Variants in HDAC4 observed in about 807,000 individuals in gnomAD.
HDAC4 encodes the protein histone deacetylase 4, also known as histone deacetylase A.
HDAC4 carries 16 observed loss-of-function variants against 135.1 expected under a neutral mutation model. The observed-to-expected ratio is 0.12, with a 90% CI of 0.08 to 0.18. The LOEUF (loss-of-function observed/expected upper bound fraction) is 0.18, where lower values mean the gene tolerates loss of function less well. Among genes scored for constraint, HDAC4 ranks in the 10% least tolerant of loss-of-function variants. The probability of loss-of-function intolerance (pLI) is 1.00; values close to 1 mark genes in which losing one functional copy is unlikely to be tolerated. For synonymous variants in HDAC4, 685 were observed against 653.4 expected (o/e 1.05, Z -0.74); for missense variants, 1,143 against 1,511.8 (o/e 0.76, Z 4.05).
chr2:239,256,503 G>A (rs138517224), intron 2 of HDAC4, among the ~76,000 whole-genome samples: 1 of 152,358 alleles, frequency 6.6e-6, no homozygotes, highest in African/African-American at 2.4e-5. Context: ...CCTCCCAGAA[G>A]GCCAGGACTT....
chr2:239,146,774 C>A lies in HDAC4; in HGVS notation c.734-2060G>T. 6.7e-6 allele frequency among the ~76,000 whole-genome samples: 1 copy of A among 149,222 alleles called. No homozygotes were observed. The highest frequency in any genetic ancestry group is 2.6e-5 in the African/African-American group (1 of 39,120). On this transcript the variant is annotated intron_variant, in intron 7 of 26. Coordinates refer to ENST00000543185, the MANE Select transcript of HDAC4 (RefSeq NM_001378414.1). The surrounding 1 kb of genome is among the most constrained non-coding windows in gnomAD (Gnocchi z 4.5). ...CACGCCCCTCCCAAGGCTGCCCTGA[C>A]CCCCCACAGCCCCACTGCCCCCATC...
At chr2:239,350,048 A>G (rs1484355550) in intron 2 of HDAC4, among the ~76,000 whole-genome samples, 1 of 152,054 alleles carries the variant, frequency 6.6e-6, no homozygotes, top group Non-Finnish European at 1.5e-5. Flanking sequence ...GGCCAAACAA[A>G]CCCAGCACCC....
intron 2 of HDAC4, among the ~76,000 whole-genome samples, chr2:239,341,038 C>T (rs1195553207): frequency 2.0e-5 from 3 of 152,244 alleles, no homozygotes; most frequent in South Asian, 2.1e-4. Context: ...TACAATGCAT[C>T]GGGCACTACA....
At chr2:239,064,787 G>A (rs746118507) in intron 24 of HDAC4, among the ~76,000 whole-genome samples, 1 of 152,108 alleles carries the variant, frequency 6.6e-6, no homozygotes, top group East Asian at 1.9e-4. Context: ...TTGTTCTAAC[G>A]CTCACAATGA....
intron 5 of HDAC4, among the ~76,000 whole-genome samples, chr2:239,168,003 C>T (rs568704926): frequency 1.1e-4 from 16 of 152,254 alleles, no homozygotes; most frequent in East Asian, 5.8e-4. Flanking sequence ...CGGGGAGGGA[C>T]GGCTGTGCTC....
chr2:239,120,702 G>A (rs76917554), intron 12 of HDAC4, among the ~76,000 whole-genome samples: 4 of 152,130 alleles, frequency 2.6e-5, no homozygotes, highest in East Asian at 1.9e-4. Context: ...AGCAATGACC[G>A]AAGTGGTGTG....
At chr2:239,110,780 G>A (rs934595740) in intron 14 of HDAC4, among the ~76,000 whole-genome samples, 4 of 152,250 alleles carry the variant, frequency 2.6e-5, no homozygotes, top group African/African-American at 9.6e-5. Flanking sequence ...TCAGAGGCAA[G>A]CCCTGCCAGA....
intron 3 of HDAC4, among the ~76,000 whole-genome samples, chr2:239,227,491 C>T (rs896487397): frequency 6.6e-6 from 1 of 152,206 alleles, no homozygotes; most frequent in Non-Finnish European, 1.5e-5. Context: ...TCCCGCCAGC[C>T]TCAGTGCCCT....
intron 6 of HDAC4, among the ~76,000 whole-genome samples, chr2:239,158,174 G>A (rs148341859): frequency 6.6e-6 from 1 of 152,292 alleles, no homozygotes; most frequent in Non-Finnish European, 1.5e-5. Flanking sequence ...ACAATCTCAT[G>A]AAAAGGTCTG....
intron 2 of HDAC4, among the ~76,000 whole-genome samples, chr2:239,346,047 A>AAC (rs973278299): frequency 6.9e-6 from 1 of 144,298 alleles, no homozygotes. Flanking sequence ...CACCGTCTGA[A>AAC]ACACACACAC....
At chr2:239,210,089 C>T (rs1008739495) in intron 3 of HDAC4, among the ~76,000 whole-genome samples, 5 of 152,188 alleles carry the variant, frequency 3.3e-5, no homozygotes, top group Admixed American at 1.3e-4. Context: ...AACAAGCCCT[C>T]TCCTTAGGAC....
rs569146125 is a variant in HDAC4 at position 239,362,679 on chromosome 2, G to A, written c.-219-9761C>T. ...AGAGTCACACAAAGGAGAGCAGCCT[G>A]CAGAACCCAGTCCAGAACGCCAAAT... On this transcript the variant is annotated intron_variant, in intron 1 of 26. Coordinates refer to ENST00000543185, the MANE Select transcript of HDAC4 (RefSeq NM_001378414.1). Among the ~76,000 whole-genome samples the A allele has an allele frequency of 4.6e-5, 7 of 152,280 alleles. No homozygotes were observed. In the South Asian group the frequency reaches 1.2e-3, roughly 27 times the overall value.
At chr2:239,334,272 C>T (rs765604991) in intron 2 of HDAC4, among the ~76,000 whole-genome samples, 9 of 152,126 alleles carry the variant, frequency 5.9e-5, no homozygotes, top group Non-Finnish European at 1.2e-4. Context: ...GTAATCCCAG[C>T]ACTTTGGGAG....
At chr2:239,295,073 C>A (rs932455257) in intron 2 of HDAC4, among the ~76,000 whole-genome samples, 1 of 151,800 alleles carries the variant, frequency 6.6e-6, no homozygotes. Flanking sequence ...TTTGGGAGGC[C>A]GAGGCGGGCG....
intron 2 of HDAC4, among the ~76,000 whole-genome samples, chr2:239,332,512 T>C (rs1315389394): frequency 6.6e-6 from 1 of 151,664 alleles, no homozygotes; most frequent in Non-Finnish European, 1.5e-5. Context: ...AAAAAGAAAC[T>C]AGATAATATT....
chr2:239,076,550 G>A (rs2034784554), intron 22 of HDAC4, among the ~76,000 whole-genome samples: 1 of 151,974 alleles, frequency 6.6e-6, no homozygotes, highest in Admixed American at 6.6e-5. Context: ...ACAAGCCTCA[G>A]AGCAAACCGA....
intron 12 of HDAC4, among the ~76,000 whole-genome samples, chr2:239,124,274 A>G (rs1233478769): frequency 1.3e-5 from 2 of 152,220 alleles, no homozygotes; most frequent in Non-Finnish European, 2.9e-5. Flanking sequence ...ATCCCTAAGA[A>G]GAGGCGCTGT....
intron 11 of HDAC4, 148 bp downstream of exon 11, chr2:239,134,097 C>T: frequency 1.4e-6 from 1 of 696,600 alleles, no homozygotes; most frequent in Non-Finnish European, 2.6e-6. Context: ...ACGGTGGCTA[C>T]ATCACGTGAT....
rs1023743772 is a variant in HDAC4 at position 239,245,930 on chromosome 2, G to A, written c.23-9266C>T. 3.0e-4 allele frequency among the ~76,000 whole-genome samples: 46 copies of A among 152,250 alleles called. No individual in the cohort carries two copies. The highest frequency in any genetic ancestry group is 6.3e-4 in the African/African-American group (26 of 41,544). On this transcript the variant is annotated intron_variant, in intron 2 of 26. Transcript: ENST00000543185. The surrounding 1 kb of genome is among the most constrained non-coding windows in gnomAD (Gnocchi z 4.4). The stretch of plus-strand genomic sequence containing the variant: ...ACAGCTCAGCGAGCAGGCCCTGAGC[G>A]TCTGGGAACGTGAGAGTGAGCAACG...
Sources: allele counts gnomAD v4.1 joint callset (sites outside exome capture counted in the v4.1 genomes callset), GRCh38; gene constraint gnomAD v4.1.1; non-coding constraint Gnocchi (gnomAD v3.1); transcripts MANE v1.5; gene names NCBI Gene and HGNC (gene_info 2026-07-23, HGNC 2026-07-21).